Variants in MET observed in about 807,000 individuals in gnomAD.
The protein encoded by MET is MET proto-oncogene, receptor tyrosine kinase.
Under a neutral mutation model 133.1 loss-of-function variants are expected in MET, and 48 were observed. The observed-to-expected ratio is 0.36, with a 90% CI of 0.29 to 0.46. The LOEUF (loss-of-function observed/expected upper bound fraction) is 0.46. MET is among the 20% of genes least tolerant of loss of function. The pLI, the probability that MET is intolerant of heterozygous loss-of-function variation, is 1.00. For synonymous variants in MET, 628 were observed against 616.5 expected (o/e 1.02, Z -0.28); for missense variants, 1,442 against 1,695.9 (o/e 0.85, Z 2.63).
chr7:116,710,518 G>A (rs924952572), intron 2 of MET, among the ~76,000 whole-genome samples: 3 of 152,096 alleles, frequency 2.0e-5, no homozygotes, highest in African/African-American at 7.2e-5. Context: ...TTTAGGCTGA[G>A]TAGGTAGCAT....
intron 5 of MET, among the ~76,000 whole-genome samples, chr7:116,754,983 G>GGAAAGGAAA (rs1554394775): frequency 1.3e-5 from 1 of 78,632 alleles, no homozygotes; most frequent in African/African-American, 4.6e-5. Flanking sequence ...AGCAGAGAAA[G>GGAAAGGAAA]GAAAGAAAGA....
chr7:116,748,356 C>T (rs199599793), intron 5 of MET, among the ~76,000 whole-genome samples: 1 of 152,170 alleles, frequency 6.6e-6, no homozygotes, highest in East Asian at 1.9e-4. Context: ...ACAACTGGTA[C>T]ATTTGTTATT....
Position 116,769,728 on chromosome 7 carries a change from T to G in MET, c.2667T>G (p.Ser889=), listed in dbSNP as rs1794770224. The part of the protein sequence containing the change: ...NKSCENIHLH[S]EAVLCTVPND... ...GCTGTGAGAATATACACTTACATTCTGAAGCCGTTTTATGCACGGTCCCCA... is the reference window on the plus strand; with the variant it reads ...GCTGTGAGAATATACACTTACATTCGGAAGCCGTTTTATGCACGGTCCCCA... Residue 889 remains serine, a synonymous_variant, in exon 12 of 21, where the codon TCT becomes TCG. Transcript: ENST00000397752. The G allele has an allele frequency of 6.2e-7, 1 of 1,613,756 alleles. No homozygotes were observed. Among genetic ancestry groups the G allele is most frequent in the Admixed American group, 1.7e-5 (1 of 59,946 alleles).
intron 1 of MET, among the ~76,000 whole-genome samples, chr7:116,681,772 C>A (rs527650469): frequency 1.1e-4 from 16 of 152,276 alleles, no homozygotes; most frequent in African/African-American, 3.9e-4. Flanking sequence ...GTCTCACAAC[C>A]ATCTGGTTAA....
Position 116,745,183 on chromosome 7 carries a change from C to T in MET, c.1701+4158C>T, listed in dbSNP as rs1793619988. On this transcript the variant is annotated intron_variant, in intron 5 of 20. Coordinates refer to ENST00000397752, the MANE Select transcript of MET (RefSeq NM_000245.4). ...ATGAGTGAACTCCCATTCACAATTG[C>T]TTCAAAGAGAATAAAATACCTAGGA... Among the ~76,000 whole-genome samples, 5 of 152,188 alleles carry T rather than the reference C, an allele frequency of 3.3e-5. 1 individual carries two copies. In the South Asian group the frequency reaches 1.0e-3, roughly 32 times the overall value.
At chr7:116,787,645 C>G (rs1795359197) in intron 19 of MET, among the ~76,000 whole-genome samples, 1 of 151,550 alleles carries the variant, frequency 6.6e-6, no homozygotes, top group Admixed American at 6.6e-5. Flanking sequence ...AGCCTCATGA[C>G]CTAATTACCT....
chr7:116,742,398 A>G (rs1793494459), intron 5 of MET, among the ~76,000 whole-genome samples: 1 of 152,210 alleles, frequency 6.6e-6, no homozygotes, highest in African/African-American at 2.4e-5. Flanking sequence ...ACCGTATGCA[A>G]TTTTATACTT....
At chr7:116,765,037 T>C (rs2116964476) in intron 11 of MET, among the ~76,000 whole-genome samples, 1 of 152,256 alleles carries the variant, frequency 6.6e-6, no homozygotes, top group Middle Eastern at 3.4e-3. Context: ...CGGTAGCTCA[T>C]ACCTGTAATC....
chr7:116,688,026 A>G (rs1272945226), intron 1 of MET, among the ~76,000 whole-genome samples: 1 of 152,234 alleles, frequency 6.6e-6, no homozygotes, highest in Admixed American at 6.5e-5. Context: ...AATCCTGAGC[A>G]TAGTTCCTCG....
intron 1 of MET, among the ~76,000 whole-genome samples, chr7:116,673,624 T>A (rs1796052289): frequency 6.6e-6 from 1 of 152,228 alleles, no homozygotes; most frequent in African/African-American, 2.4e-5. Flanking sequence ...GCAAATGGAT[T>A]CAGAAAAACA....
chr7:116,707,930 G>A (rs1282251378), intron 2 of MET, among the ~76,000 whole-genome samples: 1 of 152,084 alleles, frequency 6.6e-6, no homozygotes, highest in Non-Finnish European at 1.5e-5. Context: ...ATTTTATTTA[G>A]TGCATAAAAG....
chr7:116,755,230 A>T (rs1277772381), intron 5 of MET, 125 bp from the exon 6 acceptor site: 9 of 1,172,346 alleles, frequency 7.7e-6, no homozygotes, highest in African/African-American at 1.6e-5. Context: ...AATTTTTACT[A>T]AATTGTGGGA....
chr7:116,759,530 T>C (rs1237267853), intron 10 of MET, 40 bp downstream of exon 10: 4 of 1,597,356 alleles, frequency 2.5e-6, no homozygotes, highest in African/African-American at 2.7e-5. Context: ...GAGCTCTGCA[T>C]CTTTGCCTCT....
At chr7:116,768,301 C>T (rs1039016616) in intron 11 of MET, among the ~76,000 whole-genome samples, 5 of 152,128 alleles carry the variant, frequency 3.3e-5, no homozygotes, top group African/African-American at 7.2e-5. Flanking sequence ...AATCCTACAG[C>T]TCTTTAATCT....
intron 1 of MET, among the ~76,000 whole-genome samples, chr7:116,673,479 G>T (rs937580981): frequency 6.6e-6 from 1 of 152,202 alleles, no homozygotes; most frequent in Non-Finnish European, 1.5e-5. Flanking sequence ...TGAGAGGATT[G>T]TAAGAACTGA....
chr7:116,772,333 G>A (rs1034812133), intron 14 of MET, among the ~76,000 whole-genome samples: 3 of 152,188 alleles, frequency 2.0e-5, no homozygotes, highest in Admixed American at 2.0e-4. Flanking sequence ...TTATTTAAAT[G>A]TAAGTTGGAA....
chr7:116,720,049 G>A (rs2116706227), intron 2 of MET, among the ~76,000 whole-genome samples: 1 of 152,224 alleles, frequency 6.6e-6, no homozygotes. Context: ...AGCTTTATGG[G>A]GATGGCATTG....
At chr7:116,716,483 AAG>A (rs1183562906) in intron 2 of MET, among the ~76,000 whole-genome samples, 1 of 129,294 alleles carries the variant, frequency 7.7e-6, no homozygotes, top group African/African-American at 3.1e-5. Flanking sequence ...GAAAGAAAGA[AAG>A]AAAGAAAGAA....
chr7:116,678,736 T>C (rs1796246816), intron 1 of MET, among the ~76,000 whole-genome samples: 1 of 151,484 alleles, frequency 6.6e-6, no homozygotes, highest in Non-Finnish European at 1.5e-5. Context: ...GGGACCAGAG[T>C]GTATCTAGAC....
Sources: gnomAD v4.1 joint callset for allele counts (sites outside exome capture counted in the v4.1 genomes callset) on GRCh38, gnomAD v4.1.1 for gene constraint, MANE v1.5 for transcripts, NCBI Gene and HGNC (gene_info 2026-07-23, HGNC 2026-07-21) for gene names.